The following XIRP2 variants were observed in gnomAD, a reference collection of about 807,000 sequenced individuals.
XIRP2 encodes the protein xin actin-binding repeat-containing protein 2.
A neutral mutation model predicts 277.0 loss-of-function variants in XIRP2; 236 were observed. That is an observed-to-expected ratio of 0.85 (90% CI 0.77 to 0.95). The LOEUF (loss-of-function observed/expected upper bound fraction) is 0.95. Ranked by LOEUF, XIRP2 falls within the 40% of genes least tolerant of loss-of-function variation. XIRP2 has a pLI of 0.00. For synonymous variants in XIRP2, 1,490 were observed against 1,416.5 expected, an observed-to-expected ratio of 1.05 and a Z score of -1.17; for missense variants, 4,640 against 4,157.5, an observed-to-expected ratio of 1.12 and a Z score of -3.19.
chr2:167,132,823 A>G (rs1387718566), intron 2 of XIRP2, among the ~76,000 whole-genome samples: 1 of 152,172 alleles, frequency 6.6e-6, no homozygotes, highest in Admixed American at 6.6e-5. Context: ...AGCCCTATAC[A>G]GGGCTCTCTC....
At chr2:167,168,610 G>GTTAGTT (rs1553494240) in intron 3 of XIRP2, among the ~76,000 whole-genome samples, 4 of 151,946 alleles carry the variant, frequency 2.6e-5, no homozygotes, top group African/African-American at 9.7e-5. Flanking sequence ...TTTTTTGTTT[G>GTTAGTT]TTTGTTTTTG....
chr2:167,217,200 G>T (rs1694276798), intron 4 of XIRP2, among the ~76,000 whole-genome samples: 3 of 150,010 alleles, frequency 2.0e-5, no homozygotes, highest in Admixed American at 2.0e-4. Context: ...GAGTTAGTGG[G>T]TGCAGCACAC....
chr2:166,935,785 G>T (rs1367623171), intron 2 of XIRP2, among the ~76,000 whole-genome samples: 1 of 152,108 alleles, frequency 6.6e-6, no homozygotes, highest in Non-Finnish European at 1.5e-5. Flanking sequence ...GTGTATATGT[G>T]CCACATTTTA....
chr2:167,034,550 C>A (rs939060390), intron 2 of XIRP2, among the ~76,000 whole-genome samples: 4 of 150,308 alleles, frequency 2.7e-5, no homozygotes, highest in African/African-American at 9.7e-5. Flanking sequence ...AAGAAACATA[C>A]TTCACCTATA....
At chr2:167,060,571 T>A (rs950671760) in intron 2 of XIRP2, among the ~76,000 whole-genome samples, 3 of 152,204 alleles carry the variant, frequency 2.0e-5, no homozygotes, top group African/African-American at 7.2e-5. Context: ...AGTATAAATA[T>A]CCAATTGACT....
chr2:167,222,859 C>T (rs1015223789), intron 5 of XIRP2, among the ~76,000 whole-genome samples: 6 of 152,052 alleles, frequency 3.9e-5, no homozygotes, highest in African/African-American at 1.4e-4. Flanking sequence ...GACTTTCTTC[C>T]TCTTTTTTTT....
intron 3 of XIRP2, among the ~76,000 whole-genome samples, chr2:167,209,361 C>T (rs1485298278): frequency 3.3e-5 from 5 of 151,978 alleles, no homozygotes; most frequent in Non-Finnish European, 7.4e-5. Context: ...CTTGAAGATG[C>T]TAATAGAAAA....
intron 3 of XIRP2, among the ~76,000 whole-genome samples, chr2:167,191,245 T>C (rs1457449061): frequency 1.3e-5 from 2 of 148,198 alleles, no homozygotes; most frequent in African/African-American, 2.6e-5. Context: ...AGAAAAGACA[T>C]TGCTAACACA....
At chr2:166,936,728 T>C (rs1278762973) in intron 2 of XIRP2, among the ~76,000 whole-genome samples, 1 of 152,138 alleles carries the variant, frequency 6.6e-6, no homozygotes, top group East Asian at 1.9e-4. Flanking sequence ...GTTGTAGATG[T>C]GTGGTATTAC....
rs1173905724 is a variant in XIRP2, at chr2:167,245,580, G to A, written c.4188G>A (p.Leu1396=). 4 of 1,613,626 alleles carry A rather than the reference G, an allele frequency of 2.5e-6. No homozygotes were observed. The highest frequency in any genetic ancestry group is 3.4e-6 in the Non-Finnish European group (4 of 1,179,738). Reference sequence around the variant, plus strand: ...GATACAGATTTGAAACTCAGCCACTGGATCAGATTTCTGAAGAATCACATA... The same window carrying A: ...GATACAGATTTGAAACTCAGCCACTAGATCAGATTTCTGAAGAATCACATA... ...SVRYRFETQP[L]DQISEESHNI... Residue 1396 remains leucine, a synonymous_variant, in exon 9 of 11, where the codon CTG becomes CTA. Coordinates refer to ENST00000409195, the MANE Select transcript of XIRP2 (RefSeq NM_152381.6).
chr2:167,243,814 G>A lies in XIRP2; in HGVS notation c.2422G>A (p.Ala808Thr). The change falls in exon 9 of 11, where the codon GCA (alanine) becomes ACA (threonine). Residue 808 changes from alanine to threonine, a missense_variant. Transcript: ENST00000409195. ...AAATGTCAAAGGTGGGGTGAGTAAGGCAAAGTGGTTATTTGAAACCCAACC... is the reference window on the plus strand; with the variant it reads ...AAATGTCAAAGGTGGGGTGAGTAAGACAAAGTGGTTATTTGAAACCCAACC... Reference protein sequence around the residue: ...EENVKGGVSKAKWLFETQPLE... With the variant: ...EENVKGGVSKTKWLFETQPLE... The A allele has an allele frequency of 1.2e-6, 2 of 1,613,956 alleles. No individual in the cohort carries two copies. Among genetic ancestry groups the A allele is most frequent in the Non-Finnish European group, 1.7e-6 (2 of 1,179,954 alleles).
At chr2:167,063,146 C>A (rs1406506213) in intron 2 of XIRP2, among the ~76,000 whole-genome samples, 1 of 151,852 alleles carries the variant, frequency 6.6e-6, no homozygotes, top group South Asian at 2.1e-4. Context: ...TTTTGGTCTT[C>A]AAAGTATTTT....
intron 2 of XIRP2, among the ~76,000 whole-genome samples, chr2:166,963,471 A>G (rs1232334514): frequency 6.6e-6 from 1 of 151,878 alleles, no homozygotes; most frequent in Non-Finnish European, 1.5e-5. Context: ...TAATGAAGGC[A>G]ATAAATGAAA....
intron 2 of XIRP2, among the ~76,000 whole-genome samples, chr2:167,019,798 A>G (rs1687932473): frequency 6.6e-6 from 1 of 152,104 alleles, no homozygotes; most frequent in African/African-American, 2.4e-5. Context: ...TTCGAGGGTT[A>G]TAAATTCCTC....
intron 3 of XIRP2, among the ~76,000 whole-genome samples, chr2:167,189,772 T>G (rs1233209290): frequency 6.6e-6 from 1 of 152,176 alleles, no homozygotes; most frequent in East Asian, 1.9e-4. Flanking sequence ...TCTCCAACTC[T>G]CTGACACCAA....
At chr2:167,207,913 A>C (rs1225265610) in intron 3 of XIRP2, among the ~76,000 whole-genome samples, 1 of 152,114 alleles carries the variant, frequency 6.6e-6, no homozygotes, top group Non-Finnish European at 1.5e-5. Context: ...GTGCCTCTCT[A>C]TGTTTTTTCT....
At chr2:166,964,580 CT>C (rs932722756) in intron 2 of XIRP2, among the ~76,000 whole-genome samples, 3 of 151,776 alleles carry the variant, frequency 2.0e-5, no homozygotes, top group Non-Finnish European at 4.4e-5. Context: ...ATAAGTTGCT[CT>C]TGATCCTCCT....
At chr2:166,967,092 T>C (rs935574831) in intron 2 of XIRP2, among the ~76,000 whole-genome samples, 2 of 151,962 alleles carry the variant, frequency 1.3e-5, no homozygotes, top group African/African-American at 4.8e-5. Flanking sequence ...TCATTCTCCA[T>C]TGGCTTACCC....
intron 5 of XIRP2, among the ~76,000 whole-genome samples, chr2:167,233,288 A>C (rs542011032): frequency 3.9e-5 from 6 of 152,092 alleles, no homozygotes; most frequent in African/African-American, 1.4e-4. Context: ...ATAATAAATA[A>C]AATTTTATGT....
Sources: gnomAD v4.1 joint callset for allele counts (sites outside exome capture counted in the v4.1 genomes callset) on GRCh38, gnomAD v4.1.1 for gene constraint, MANE v1.5 for transcripts, NCBI Gene and HGNC (gene_info 2026-07-23, HGNC 2026-07-21) for gene names.